SLC15A5: variants seen among roughly 807,000 people sequenced by gnomAD.
SLC15A5 encodes solute carrier family 15 member 5, also known as Peptide/histidine transporter ENSP00000340402.
In SLC15A5, 58 loss-of-function variants were observed where a neutral mutation model predicts 56.1. That is an observed-to-expected ratio of 1.03 (90% CI 0.84 to 1.29). The LOEUF (loss-of-function observed/expected upper bound fraction) is 1.29. Among genes scored for constraint, SLC15A5 ranks in the 50% most tolerant of loss-of-function variants. The pLI is 0.00. For synonymous variants in SLC15A5, 264 were observed against 250.5 expected (o/e 1.05, Z -0.51); for missense variants, 681 against 672.1 (o/e 1.01, Z -0.15).
chr12:16,223,917 C>T (rs1201158480), intron 6 of SLC15A5, among the ~76,000 whole-genome samples: 1 of 152,088 alleles, frequency 6.6e-6, no homozygotes, highest in Non-Finnish European at 1.5e-5. Flanking sequence ...AGGGTTTCAC[C>T]ATGTTGGCCA....
intron 5 of SLC15A5, among the ~76,000 whole-genome samples, chr12:16,234,851 A>T (rs1441001836): frequency 6.6e-6 from 1 of 152,172 alleles, no homozygotes; most frequent in African/African-American, 2.4e-5. Flanking sequence ...GCATGTTAAG[A>T]TTCTTTAGGT....
chr12:16,189,151 T>C lies in SLC15A5; in HGVS notation c.*517A>G, dbSNP rs1863815984. 1 of 152,218 alleles carries C rather than the reference T, an allele frequency of 6.6e-6. No homozygotes were observed. The highest frequency in any genetic ancestry group is 2.4e-5 in the African/African-American group (1 of 41,470). The allele number at this position is 152,218 out of a possible 1,614,324, so 9.4% of individuals were successfully genotyped here. ...AGAGAAAATGTCCTTAATGAAGTCA[T>C]ATTTTGATAGCATAATATTAACAGC... On this transcript the variant is annotated 3_prime_UTR_variant, in exon 9 of 9. Coordinates refer to ENST00000344941, the MANE Select transcript of SLC15A5 (RefSeq NM_001170798.1).
intron 7 of SLC15A5, among the ~76,000 whole-genome samples, chr12:16,210,921 C>T (rs773752089): frequency 1.3e-5 from 2 of 152,108 alleles, no homozygotes; most frequent in South Asian, 2.1e-4. Context: ...ATACATAAAA[C>T]CATTGTATGA....
At position 16,257,848 on chromosome 12, in the gene SLC15A5, T is replaced by A; in HGVS notation, c.607A>T (p.Asn203Tyr). 6.7e-7 allele frequency: 1 copy of A among 1,502,190 alleles called. No homozygotes were observed. The highest frequency in any genetic ancestry group is 1.3e-5 in the South Asian group (1 of 76,408). 93.1% of individuals were successfully genotyped at this position (1,502,190 alleles called of 1,614,324 possible). Reference sequence around the variant, plus strand: ...ATTCCCAGAAACACAATAGTTGCATTTAGGTTCATGAGCCAATAAAACCTG... The same window carrying A: ...ATTCCCAGAAACACAATAGTTGCATATAGGTTCATGAGCCAATAAAACCTG... ...FNWFYWLMNL[N>Y]ATIVFLGISY... Residue 203 changes from asparagine (N) to tyrosine (Y), a missense_variant, in exon 3 of 9, where the codon AAT becomes TAT. Physicochemically the swap from Asn to Tyr is moderately radical, Grantham distance 143. Transcript: ENST00000344941.
At chr12:16,232,838 C>T (rs1237917741) in intron 5 of SLC15A5, among the ~76,000 whole-genome samples, 1 of 151,886 alleles carries the variant, frequency 6.6e-6, no homozygotes, top group Non-Finnish European at 1.5e-5. Flanking sequence ...ATTGCTTGAA[C>T]CAAGGAGGTG....
At chr12:16,224,999 T>C (rs1294088419) in intron 5 of SLC15A5, among the ~76,000 whole-genome samples, 2 of 151,792 alleles carry the variant, frequency 1.3e-5, no homozygotes, top group African/African-American at 4.8e-5. Context: ...GTCCTTATGA[T>C]AGTTTGCTGA....
intron 4 of SLC15A5, among the ~76,000 whole-genome samples, chr12:16,241,105 GC>G (rs1460872323): frequency 1.1e-4 from 17 of 152,220 alleles, no homozygotes; most frequent in African/African-American, 4.1e-4. Flanking sequence ...GAGCCACCGT[GC>G]CCGGCCCATC....
chr12:16,227,968 G>A (rs1204737571), intron 5 of SLC15A5, among the ~76,000 whole-genome samples: 1 of 152,082 alleles, frequency 6.6e-6, no homozygotes, highest in Non-Finnish European at 1.5e-5. Context: ...GCATTAGAGG[G>A]CACTGATAAA....
At chr12:16,256,813 C>T (rs998190250) in intron 3 of SLC15A5, among the ~76,000 whole-genome samples, 7 of 150,932 alleles carry the variant, frequency 4.6e-5, no homozygotes, top group African/African-American at 7.3e-5. Flanking sequence ...GAGCGGACAT[C>T]GCACCACTGC....
chr12:16,224,632 A>C (rs771569814), intron 5 of SLC15A5, 30 bp from the exon 6 acceptor site: 47 of 1,511,618 alleles, frequency 3.1e-5, no homozygotes, highest in Non-Finnish European at 4.1e-5. Context: ...AAGAAAAAAA[A>C]GTTAAACGAA....
chr12:16,258,440 C>T lies in SLC15A5; in HGVS notation c.585-570G>A, dbSNP rs145197010. 4.3e-3 allele frequency among the ~76,000 whole-genome samples: 650 copies of T among 152,160 alleles called. 3 individuals carry two copies. Among genetic ancestry groups the T allele is most frequent in the African/African-American group, 6.6e-3 (275 of 41,540 alleles). On this transcript the variant is annotated intron_variant, in intron 2 of 8. Transcript: ENST00000344941. The stretch of plus-strand genomic sequence containing the variant: ...GATTAGTATCACAGAGAGGTACCTA[C>T]CCCAGTAGTCTGGTTTGCAAGTTCT...
At chr12:16,221,201 G>T (rs1864184742) in intron 6 of SLC15A5, among the ~76,000 whole-genome samples, 1 of 152,056 alleles carries the variant, frequency 6.6e-6, no homozygotes, top group African/African-American at 2.4e-5. Context: ...CACCTATTTT[G>T]TATATGTACT....
intron 5 of SLC15A5, among the ~76,000 whole-genome samples, chr12:16,227,488 C>A (rs914778629): frequency 6.6e-6 from 1 of 152,180 alleles, no homozygotes; most frequent in South Asian, 2.1e-4. Flanking sequence ...GAACTTATTG[C>A]TAGTTGGAGA....
At chr12:16,191,480 A>G (rs1279313598) in intron 8 of SLC15A5, among the ~76,000 whole-genome samples, 6 of 152,202 alleles carry the variant, frequency 3.9e-5, no homozygotes, top group African/African-American at 1.2e-4. Flanking sequence ...GTGAACAGAT[A>G]CACCTTTGGG....
intron 7 of SLC15A5, among the ~76,000 whole-genome samples, chr12:16,202,423 G>A (rs1307648473): frequency 2.0e-5 from 3 of 152,106 alleles, no homozygotes; most frequent in Non-Finnish European, 2.9e-5. Flanking sequence ...CAGTGAGAAC[G>A]TTATGAAAAA....
chr12:16,208,281 G>A (rs1046936550), intron 7 of SLC15A5, among the ~76,000 whole-genome samples: 4 of 151,936 alleles, frequency 2.6e-5, no homozygotes, highest in African/African-American at 9.7e-5. Flanking sequence ...CTTTCTTCAG[G>A]GCATTAGCTC....
intron 7 of SLC15A5, among the ~76,000 whole-genome samples, chr12:16,212,738 A>AG (rs1237320390): frequency 1.3e-5 from 2 of 152,182 alleles, no homozygotes; most frequent in African/African-American, 4.8e-5. Context: ...GAAGAAGTCT[A>AG]GGAACTTGCT....
intron 3 of SLC15A5, among the ~76,000 whole-genome samples, chr12:16,251,364 AT>A (rs1273397025): frequency 2.6e-5 from 4 of 151,978 alleles, no homozygotes; most frequent in South Asian, 4.1e-4. Flanking sequence ...AAAATAGAGA[AT>A]GGAAAACAGT....
intron 7 of SLC15A5, among the ~76,000 whole-genome samples, chr12:16,198,946 C>T (rs1863922175): frequency 1.3e-5 from 2 of 152,080 alleles, no homozygotes; most frequent in African/African-American, 4.8e-5. Context: ...GGTCTAACCA[C>T]ATGTTCCCCT....
Sources: allele counts gnomAD v4.1 joint callset (sites outside exome capture counted in the v4.1 genomes callset), GRCh38; gene constraint gnomAD v4.1.1; transcripts MANE v1.5; gene names NCBI Gene and HGNC (gene_info 2026-07-23, HGNC 2026-07-21).